The following TRPM3 variants were observed in gnomAD, a reference collection of about 807,000 sequenced individuals.
TRPM3 encodes transient receptor potential cation channel subfamily M member 3, also known as long transient receptor potential channel 3.
TRPM3 carries 77 observed loss-of-function variants against 181.2 expected under a neutral mutation model. The observed-to-expected ratio is 0.42, with a 90% CI of 0.35 to 0.51. The LOEUF is 0.51. TRPM3 is among the 20% of genes least tolerant of loss of function. The pLI is 0.01. For missense variants in TRPM3, 1,759 were observed against 2,196.7 expected, an observed-to-expected ratio of 0.80 and a Z score of 3.98; for synonymous variants, 745 against 796.4, an observed-to-expected ratio of 0.94 and a Z score of 1.09.
intron 22 of TRPM3, among the ~76,000 whole-genome samples, chr9:70,577,645 T>G (rs2054391024): frequency 6.6e-6 from 1 of 152,266 alleles, no homozygotes; most frequent in African/African-American, 2.4e-5. Flanking sequence ...CAATATAATC[T>G]GCTTAAGTAC....
rs190115154 is a variant in TRPM3, at chr9:70,612,903, G to A, written c.2527-2154C>T. Among the ~76,000 whole-genome samples the A allele has an allele frequency of 3.3e-4, 51 of 152,296 alleles. 1 individual carries two copies. The highest frequency in any genetic ancestry group is 1.2e-3 in the African/African-American group (48 of 41,566). ...GAGATGAGAGTAAAGACAGCCAGAA[G>A]GTTTTTAGGCATCTTGGAGAGTGGC... On this transcript the variant is annotated intron_variant, in intron 18 of 25. Coordinates refer to ENST00000677713, the MANE Select transcript of TRPM3 (RefSeq NM_001366145.2).
At chr9:70,567,368 A>G (rs988953075) in intron 22 of TRPM3, among the ~76,000 whole-genome samples, 1 of 152,246 alleles carries the variant, frequency 6.6e-6, no homozygotes, top group African/African-American at 2.4e-5. Context: ...TTTTTCTTTT[A>G]TGCCTGGAAT....
intron 1 of TRPM3, among the ~76,000 whole-genome samples, chr9:71,092,905 C>A (rs2066459655): frequency 6.6e-6 from 1 of 152,018 alleles, no homozygotes; most frequent in East Asian, 1.9e-4. Context: ...GATATATAGA[C>A]CAATGGAATA....
intron 1 of TRPM3, among the ~76,000 whole-genome samples, chr9:71,256,561 C>A (rs1198746495): frequency 6.6e-6 from 1 of 151,930 alleles, no homozygotes; most frequent in Non-Finnish European, 1.5e-5. Context: ...CCAGAGGAAG[C>A]TTTAAAAAGG....
chr9:71,339,797 GT>G (rs1230411699), intron 1 of TRPM3, among the ~76,000 whole-genome samples: 1 of 151,942 alleles, frequency 6.6e-6, no homozygotes, highest in African/African-American at 2.4e-5. Context: ...TGATGGAGTT[GT>G]TCAATATGAA....
chr9:70,800,130 T>C (rs1473504875), intron 6 of TRPM3, among the ~76,000 whole-genome samples: 3 of 152,192 alleles, frequency 2.0e-5, no homozygotes, highest in East Asian at 1.9e-4. Context: ...TGAAAGACAA[T>C]TTTTTCTTGA....
At position 71,168,066 on chromosome 9, in the gene TRPM3, C is replaced by A. The variant is rs149194993; in HGVS notation, c.183+278587G>T. The stretch of plus-strand genomic sequence containing the variant: ...TACAAAATGGCTTGCCAAATTTTTA[C>A]TTTAATAGGTAAAGCAAAACAAGTT... On this transcript the variant is annotated intron_variant, in intron 1 of 24. Coordinates refer to the TRPM3 transcript ENST00000357533. Among the ~76,000 whole-genome samples, 815 of 152,220 alleles carry A rather than the reference C, an allele frequency of 5.4e-3. 5 individuals carry two copies. The highest frequency in any genetic ancestry group is 8.9e-3 in the Admixed American group (136 of 15,282).
chr9:71,195,205 G>C (rs1259943703), intron 1 of TRPM3, among the ~76,000 whole-genome samples: 1 of 151,872 alleles, frequency 6.6e-6, no homozygotes, highest in East Asian at 1.9e-4. Flanking sequence ...AGAAACTATC[G>C]ACAGAGTGAA....
chr9:71,154,868 A>AT (rs2075905486), intron 1 of TRPM3, among the ~76,000 whole-genome samples: 1 of 152,190 alleles, frequency 6.6e-6, no homozygotes, highest in Non-Finnish European at 1.5e-5. Flanking sequence ...TTGAAACTCA[A>AT]GATTCCCATT....
intron 1 of TRPM3, among the ~76,000 whole-genome samples, chr9:71,339,208 A>C (rs1263559368): frequency 1.3e-5 from 2 of 152,130 alleles, no homozygotes; most frequent in African/African-American, 4.8e-5. Flanking sequence ...TATAAATTAA[A>C]AACACCCCTT....
intron 1 of TRPM3, among the ~76,000 whole-genome samples, chr9:71,251,592 G>C (rs1331658852): frequency 6.6e-6 from 1 of 151,904 alleles, no homozygotes; most frequent in Non-Finnish European, 1.5e-5. Context: ...TTAAACATGG[G>C]TACATAGGTA....
At chr9:71,046,111 C>T (rs529633346) in intron 1 of TRPM3, among the ~76,000 whole-genome samples, 14 of 152,094 alleles carry the variant, frequency 9.2e-5, no homozygotes, top group South Asian at 2.1e-4. Flanking sequence ...CTGCCTCAGC[C>T]TCCCGAGTAG....
At chr9:70,653,799 C>G (rs768236304) in intron 9 of TRPM3, among the ~76,000 whole-genome samples, 7 of 151,906 alleles carry the variant, frequency 4.6e-5, no homozygotes, top group Non-Finnish European at 1.0e-4. Flanking sequence ...AGGCTTCTAA[C>G]GACTTGAACT....
chr9:71,211,444 G>A (rs958402684), intron 1 of TRPM3, among the ~76,000 whole-genome samples: 8 of 151,066 alleles, frequency 5.3e-5, no homozygotes, highest in Admixed American at 5.3e-4. Context: ...CAAAGTTTCA[G>A]TGTCCCATAT....
chr9:71,419,368 T>C (rs982696646), intron 1 of TRPM3, among the ~76,000 whole-genome samples: 2 of 151,950 alleles, frequency 1.3e-5, no homozygotes, highest in South Asian at 2.1e-4. Flanking sequence ...ACTGAGAAAT[T>C]TATTCAAATG....
intron 1 of TRPM3, among the ~76,000 whole-genome samples, chr9:71,090,730 T>C (rs529982227): frequency 1.3e-5 from 2 of 152,310 alleles, no homozygotes; most frequent in East Asian, 3.9e-4. Flanking sequence ...TCTATCATCT[T>C]AGACAAGTTA....
At chr9:71,444,674 A>C (rs1391433509) in intron 1 of TRPM3, among the ~76,000 whole-genome samples, 1 of 152,242 alleles carries the variant, frequency 6.6e-6, no homozygotes, top group Non-Finnish European at 1.5e-5. Context: ...CATGTCTGCT[A>C]TAAGCATTAT....
chr9:70,957,758 G>A (rs1389424686), intron 1 of TRPM3, among the ~76,000 whole-genome samples: 6 of 152,014 alleles, frequency 3.9e-5, no homozygotes, highest in South Asian at 2.1e-4. Flanking sequence ...ATCTACTATC[G>A]AACATCAGAA....
intron 1 of TRPM3, among the ~76,000 whole-genome samples, chr9:71,017,627 A>C (rs1191167297): frequency 6.6e-6 from 1 of 151,926 alleles, no homozygotes; most frequent in Non-Finnish European, 1.5e-5. Context: ...ATTTAATGAC[A>C]ACAAAAGGCC....
Sources: allele counts gnomAD v4.1 joint callset (sites outside exome capture counted in the v4.1 genomes callset), GRCh38; gene constraint gnomAD v4.1.1; transcripts MANE v1.5; gene names NCBI Gene and HGNC (gene_info 2026-07-23, HGNC 2026-07-21).